SATB2: variants seen among roughly 807,000 people sequenced by gnomAD.
SATB2 encodes the protein SATB homeobox 2.
SATB2 carries 1 observed loss-of-function variant against 73.4 expected under a neutral mutation model. That is an observed-to-expected ratio of 0.01 (90% confidence interval 0.00 to 0.06). SATB2 has a LOEUF of 0.06. Ranked by LOEUF, SATB2 falls within the 10% of genes least tolerant of loss-of-function variation. The pLI, the probability that SATB2 is intolerant of heterozygous loss-of-function variation, is 1.00. For synonymous variants in SATB2, 397 were observed against 367.0 expected (o/e 1.08, Z -0.93); for missense variants, 459 against 945.8 (o/e 0.49, Z 6.75).
chr2:199,468,965 C>A (rs893087463), upstream of SATB2: 1 of 152,332 alleles, frequency 6.6e-6, no homozygotes, highest in Non-Finnish European at 1.5e-5. Context: ...CCCAGGGGAC[C>A]GTGCGGGACA....
intron 9 of SATB2, among the ~76,000 whole-genome samples, chr2:199,309,957 C>G (rs887956279): frequency 1.3e-5 from 2 of 152,152 alleles, no homozygotes; most frequent in Non-Finnish European, 2.9e-5. Context: ...TATAAAAACC[C>G]CATATAATAT....
chr2:199,318,649 G>A (rs1034980444), intron 9 of SATB2, among the ~76,000 whole-genome samples: 32 of 151,802 alleles, frequency 2.1e-4, no homozygotes, highest in African/African-American at 6.0e-4. Flanking sequence ...CATATTCTTC[G>A]TCACTTTCTG....
intron 3 of SATB2, among the ~76,000 whole-genome samples, chr2:199,414,682 C>G (rs973360693): frequency 2.0e-5 from 3 of 152,136 alleles, no homozygotes; most frequent in Non-Finnish European, 4.4e-5. Context: ...ACTCAAGACT[C>G]CGGTGCCAGC....
At chr2:199,447,970 T>C (rs2105946796) in intron 2 of SATB2, among the ~76,000 whole-genome samples, 1 of 152,240 alleles carries the variant, frequency 6.6e-6, no homozygotes, top group African/African-American at 2.4e-5. Context: ...TTTCGATCAC[T>C]GCTTGGGAAA....
At chr2:199,426,615 T>C (rs1253484315) in intron 3 of SATB2, among the ~76,000 whole-genome samples, 4 of 140,720 alleles carry the variant, frequency 2.8e-5, no homozygotes, top group East Asian at 2.0e-4. Context: ...ACATTTTCAA[T>C]AGGGAAAATG....
intron 3 of SATB2, among the ~76,000 whole-genome samples, chr2:199,393,932 A>C (rs1436228796): frequency 2.0e-5 from 3 of 152,220 alleles, no homozygotes; most frequent in South Asian, 4.1e-4. Flanking sequence ...ACTGAATATC[A>C]TCCAGCCGAC....
chr2:199,463,160 G>GC lies in SATB2; in HGVS notation c.-141+1675dup, dbSNP rs761312374. The stretch of plus-strand genomic sequence containing the variant: ...GCACCACCCTACCACACCAGGCAAC[G>GC]CCCCCCGGGGCGCCCTTCATTCTTT... On this transcript the variant is annotated intron_variant, in intron 1 of 11. Coordinates refer to the SATB2 transcript ENST00000260926. The surrounding 1 kb of genome is among the most constrained non-coding windows in gnomAD (Gnocchi z 6.4). Among the ~76,000 whole-genome samples, 244 of 152,238 alleles carry GC rather than the reference G, an allele frequency of 1.6e-3. 1 individual carries two copies. The highest frequency in any genetic ancestry group is 1.0e-3 in the Non-Finnish European group (71 of 68,004).
At chr2:199,311,717 G>A (rs752452224) in intron 9 of SATB2, among the ~76,000 whole-genome samples, 27 of 152,032 alleles carry the variant, frequency 1.8e-4, no homozygotes, top group Non-Finnish European at 3.1e-4. Flanking sequence ...ACTCTGGCTC[G>A]CTTGCTCATT....
chr2:199,464,523 G>T lies in SATB2; in HGVS notation c.-141+313C>A, dbSNP rs1692553643. Among the ~76,000 whole-genome samples the T allele has an allele frequency of 6.6e-6, 1 of 152,064 alleles. No homozygotes were observed. Among genetic ancestry groups the T allele is most frequent in the Non-Finnish European group, 1.5e-5 (1 of 68,026 alleles). ...AAATTCACCTGGTGCCCACCCAATT[G>T]CAAAGCTCCCAGACCCACACAAAAC... On this transcript the variant is annotated intron_variant, in intron 1 of 11. Coordinates refer to the SATB2 transcript ENST00000260926. This position sits in a 1 kb window ranked among gnomAD's most constrained non-coding sequence, Gnocchi z 6.6.
intron 3 of SATB2, among the ~76,000 whole-genome samples, chr2:199,427,030 A>T (rs1038898717): frequency 1.3e-5 from 2 of 152,000 alleles, no homozygotes; most frequent in Non-Finnish European, 2.9e-5. Flanking sequence ...GGCACCTGCC[A>T]CCATGCCTGG....
chr2:199,315,491 G>A (rs761386598), intron 9 of SATB2, among the ~76,000 whole-genome samples: 2 of 151,828 alleles, frequency 1.3e-5, no homozygotes, highest in African/African-American at 4.8e-5. Flanking sequence ...AGGAGGGGAG[G>A]GGCACACCAC....
intron 3 of SATB2, among the ~76,000 whole-genome samples, chr2:199,414,652 C>CTCGGTGTG (rs1323690162): frequency 6.6e-6 from 1 of 152,102 alleles, no homozygotes; most frequent in Non-Finnish European, 1.5e-5. Context: ...TGGGCTGTGA[C>CTCGGTGTG]TCGGTGTGTC....
At chr2:199,353,148 CTT>C (rs11369554) in intron 6 of SATB2, among the ~76,000 whole-genome samples, 119 of 88,018 alleles carry the variant, frequency 1.4e-3, no homozygotes, top group African/African-American at 5.4e-3. Flanking sequence ...ACGTTTTTGT[CTT>C]TTTTTTTTTT....
intron 3 of SATB2, among the ~76,000 whole-genome samples, chr2:199,382,740 C>T (rs2105869206): frequency 6.6e-6 from 1 of 152,126 alleles, no homozygotes; most frequent in Non-Finnish European, 1.5e-5. Context: ...CACAGGGTAA[C>T]AAAAATTTTA....
intron 5 of SATB2, among the ~76,000 whole-genome samples, chr2:199,377,066 T>C (rs1169429021): frequency 6.6e-6 from 1 of 152,184 alleles, no homozygotes; most frequent in Non-Finnish European, 1.5e-5. Flanking sequence ...AATGATTTTA[T>C]GCCATTTTAA....
At chr2:199,298,958 G>C (rs1168592851) in intron 10 of SATB2, among the ~76,000 whole-genome samples, 1 of 152,114 alleles carries the variant, frequency 6.6e-6, no homozygotes, top group Admixed American at 6.6e-5. Flanking sequence ...TCTGCCATAA[G>C]AGCTCATTAT....
chr2:199,356,609 T>A (rs893706522), intron 6 of SATB2, among the ~76,000 whole-genome samples: 5 of 152,140 alleles, frequency 3.3e-5, no homozygotes, highest in Admixed American at 6.6e-5. Context: ...GATAAATATT[T>A]AGGAATATTC....
chr2:199,427,586 A>G (rs769093353), intron 3 of SATB2, among the ~76,000 whole-genome samples: 11 of 152,112 alleles, frequency 7.2e-5, no homozygotes, highest in Non-Finnish European at 1.0e-4. Context: ...TCTAAGATAT[A>G]CTTTGAAATA....
intron 3 of SATB2, 107 bp from the exon 4 acceptor site, chr2:199,381,927 C>T: frequency 7.7e-7 from 1 of 1,290,778 alleles, no homozygotes; most frequent in Non-Finnish European, 1.1e-6. Context: ...ATCCAAGGCC[C>T]ACTCAGATAT....
Sources: allele counts gnomAD v4.1 joint callset (sites outside exome capture counted in the v4.1 genomes callset), GRCh38; gene constraint gnomAD v4.1.1; non-coding constraint Gnocchi (gnomAD v3.1); transcripts MANE v1.5; gene names NCBI Gene and HGNC (gene_info 2026-07-23, HGNC 2026-07-21).